The following MEOX2 variants were observed in gnomAD, a reference collection of about 807,000 sequenced individuals.
MEOX2 encodes homeobox protein MOX-2.
MEOX2 carries 11 observed loss-of-function variants against 27.0 expected under a neutral mutation model. That is an observed-to-expected ratio of 0.41 (90% CI 0.26 to 0.68). The LOEUF (loss-of-function observed/expected upper bound fraction) is 0.68, where lower values mean the gene tolerates loss of function less well. MEOX2 is among the 30% of genes least tolerant of loss of function. The probability of loss-of-function intolerance (pLI) is 0.33; values close to 1 mark genes in which losing one functional copy is unlikely to be tolerated. For synonymous variants in MEOX2, 189 were observed against 155.4 expected, an observed-to-expected ratio of 1.22 and a Z score of -1.61; for missense variants, 436 against 385.4, an observed-to-expected ratio of 1.13 and a Z score of -1.10.
chr7:15,674,947 G>A (rs1583790870), intron 1 of MEOX2, among the ~76,000 whole-genome samples: 1 of 151,420 alleles, frequency 6.6e-6, no homozygotes, highest in East Asian at 1.9e-4. Flanking sequence ...TCTAAAACTG[G>A]GGATAAAGTT....
intron 1 of MEOX2, among the ~76,000 whole-genome samples, chr7:15,627,808 A>ACACACACACAC: frequency 6.8e-6 from 1 of 147,406 alleles, no homozygotes; most frequent in African/African-American, 2.5e-5. Context: ...ATCAATAGTA[A>ACACACACACAC]ACACACACAC....
chr7:15,631,918 G>GTGTGTGTC (rs1781409903), intron 1 of MEOX2, among the ~76,000 whole-genome samples: 1 of 150,888 alleles, frequency 6.6e-6, no homozygotes, highest in South Asian at 2.1e-4. Context: ...GTGTGTGTGT[G>GTGTGTGTC]TGTGTGTGTG....
chr7:15,659,515 C>G (rs556479480), intron 1 of MEOX2, among the ~76,000 whole-genome samples: 5 of 152,090 alleles, frequency 3.3e-5, no homozygotes, highest in African/African-American at 1.2e-4. Context: ...AATCCCAGCA[C>G]TTTGGGAGGC....
At chr7:15,670,543 T>C (rs781172495) in intron 1 of MEOX2, among the ~76,000 whole-genome samples, 2 of 152,232 alleles carry the variant, frequency 1.3e-5, no homozygotes, top group Non-Finnish European at 2.9e-5. Context: ...ATGTTCTATA[T>C]TTGTGCTGCC....
At chr7:15,649,555 C>A (rs1781704192) in intron 1 of MEOX2, among the ~76,000 whole-genome samples, 1 of 151,724 alleles carries the variant, frequency 6.6e-6, no homozygotes, top group African/African-American at 2.4e-5. Flanking sequence ...TTCCAGATGA[C>A]AAGAAAAATA....
chr7:15,627,074 G>A (rs1270854499), intron 1 of MEOX2, among the ~76,000 whole-genome samples, 156 bp from the exon 2 acceptor site: 1 of 151,846 alleles, frequency 6.6e-6, no homozygotes, highest in South Asian at 2.1e-4. Context: ...CAGCTCAACG[G>A]GGGGAGATAT....
intron 1 of MEOX2, among the ~76,000 whole-genome samples, chr7:15,672,731 A>G (rs1232949351): frequency 6.6e-6 from 1 of 152,026 alleles, no homozygotes; most frequent in African/African-American, 2.4e-5. Flanking sequence ...TCTCTACTAA[A>G]AATACAAAAA....
At chr7:15,665,545 A>G (rs1781989024) in intron 1 of MEOX2, among the ~76,000 whole-genome samples, 1 of 152,206 alleles carries the variant, frequency 6.6e-6, no homozygotes, top group Admixed American at 6.5e-5. Flanking sequence ...AAATTTGAAG[A>G]ATAAATATCA....
At position 15,633,891 on chromosome 7, in the gene MEOX2, A is replaced by G. The variant is rs556402457; in HGVS notation, c.518-6973T>C. On this transcript the variant is annotated intron_variant, in intron 1 of 2. Transcript: ENST00000262041. Reference sequence around the variant, plus strand: ...TGACTTTACGATCTGATTATAGATTATAATTACAAAGATAACCCTAAGGAG... The same window carrying G: ...TGACTTTACGATCTGATTATAGATTGTAATTACAAAGATAACCCTAAGGAG... Among the ~76,000 whole-genome samples the G allele has an allele frequency of 5.3e-5, 8 of 152,026 alleles. No individual in the cohort carries two copies. In the East Asian group the frequency reaches 1.5e-3, roughly 29 times the overall value.
intron 2 of MEOX2, among the ~76,000 whole-genome samples, chr7:15,620,058 TTAAA>T (rs1356601188): frequency 1.3e-5 from 2 of 152,070 alleles, no homozygotes; most frequent in Non-Finnish European, 2.9e-5. Flanking sequence ...ATTTATTTAT[TTAAA>T]TAAAAGCATT....
At chr7:15,616,640 C>G (rs954691757) in intron 2 of MEOX2, among the ~76,000 whole-genome samples, 2 of 151,546 alleles carry the variant, frequency 1.3e-5, no homozygotes, top group Non-Finnish European at 3.0e-5. Flanking sequence ...CATCCAAATG[C>G]CTAAAATTTT....
At chr7:15,652,225 T>C (rs1490452739) in intron 1 of MEOX2, among the ~76,000 whole-genome samples, 1 of 152,084 alleles carries the variant, frequency 6.6e-6, no homozygotes, top group African/African-American at 2.4e-5. Flanking sequence ...GGTAAATTAG[T>C]TGTGACTGAT....
intron 2 of MEOX2, among the ~76,000 whole-genome samples, chr7:15,626,532 C>A (rs1279725519): frequency 2.0e-5 from 3 of 151,748 alleles, no homozygotes; most frequent in Non-Finnish European, 4.4e-5. Context: ...TAGGAGGATT[C>A]TTTCTTCAAC....
chr7:15,677,574 A>T (rs1782218272), intron 1 of MEOX2: 1 of 152,260 alleles, frequency 6.6e-6, no homozygotes, highest in South Asian at 2.1e-4. Flanking sequence ...GATATTCGAC[A>T]TGAGCTGCAA....
In MEOX2 at chr7:15,612,544, G is replaced by C. The variant is rs766320553; in HGVS notation, c.758C>G (p.Ala253Gly). ...KRVKGGQQGA[A>G]AREKELVNVK... Reference sequence around the variant, plus strand: ...ATTCACCAGTTCCTTTTCCCGAGCCGCAGCTCCTTGCTGTCCACCCTTTAC... The same window carrying C: ...ATTCACCAGTTCCTTTTCCCGAGCCCCAGCTCCTTGCTGTCCACCCTTTAC... Residue 253 changes from alanine (A) to glycine (G), a missense_variant, in exon 3 of 3, where the codon GCG (alanine) becomes GGG (glycine). Physicochemically the swap from Ala to Gly is moderately conservative, Grantham distance 60. Coordinates refer to ENST00000262041, the MANE Select transcript of MEOX2 (RefSeq NM_005924.5). 3.1e-6 allele frequency: 5 copies of C among 1,614,096 alleles called. No homozygotes were observed. Among genetic ancestry groups the C allele is most frequent in the Non-Finnish European group, 4.2e-6 (5 of 1,180,014 alleles).
intron 1 of MEOX2, among the ~76,000 whole-genome samples, chr7:15,658,711 C>A (rs1035263050): frequency 6.6e-6 from 1 of 152,044 alleles, no homozygotes; most frequent in African/African-American, 2.4e-5. Context: ...GATTTGCACC[C>A]TTATAAGAAA....
At chr7:15,643,737 A>G (rs961206124) in intron 1 of MEOX2, among the ~76,000 whole-genome samples, 3 of 152,076 alleles carry the variant, frequency 2.0e-5, no homozygotes, top group Admixed American at 2.0e-4. Flanking sequence ...TGTGCCCCTA[A>G]ACAAACCTGT....
At chr7:15,626,362 A>G (rs1730777838) in intron 2 of MEOX2, among the ~76,000 whole-genome samples, 1 of 152,076 alleles carries the variant, frequency 6.6e-6, no homozygotes, top group African/African-American at 2.4e-5. Context: ...ATCATGACCT[A>G]TCCTGAGCAA....
intron 1 of MEOX2, 105 bp from the exon 2 acceptor site, chr7:15,627,023 G>C: frequency 5.5e-6 from 6 of 1,097,412 alleles, no homozygotes; most frequent in Non-Finnish European, 6.7e-6. Flanking sequence ...TACTGCGCTA[G>C]ACATGGAACA....
Sources: allele counts gnomAD v4.1 joint callset (sites outside exome capture counted in the v4.1 genomes callset), GRCh38; gene constraint gnomAD v4.1.1; transcripts MANE v1.5; gene names NCBI Gene and HGNC (gene_info 2026-07-23, HGNC 2026-07-21).